RSRP1: variants seen among roughly 807,000 people sequenced by gnomAD.
The protein encoded by RSRP1 is arginine/serine-rich protein 1.
A neutral mutation model predicts 33.0 loss-of-function variants in RSRP1; 37 were observed. The ratio of observed to expected loss-of-function variants is 1.12; its 90% confidence interval spans 0.86 to 1.48. The LOEUF is 1.48. RSRP1 is among the 40% of genes most tolerant of loss of function. The pLI is 0.00. For synonymous variants in RSRP1, 167 were observed against 158.7 expected (o/e 1.05, Z -0.40); for missense variants, 402 against 385.3 (o/e 1.04, Z -0.36).
intron 1 of RSRP1, chr1:25,301,182 A>G (rs1643360259): frequency 1.7e-6 from 2 of 1,174,804 alleles, no homozygotes; most frequent in Admixed American, 1.8e-5. Context: ...TCCCTCCTTT[A>G]CCAAGTTCCC....
intron 1 of RSRP1, among the ~76,000 whole-genome samples, chr1:25,299,087 A>AAC (rs1643175499): frequency 7.9e-6 from 1 of 126,652 alleles, no homozygotes; most frequent in South Asian, 2.4e-4. Context: ...AAAAAAAAAA[A>AAC]AAAAAAAAAA....
At chr1:25,280,275 GC>G in intron 1 of RSRP1, among the ~76,000 whole-genome samples, 1 of 126,162 alleles carries the variant, frequency 7.9e-6, no homozygotes, top group East Asian at 2.0e-4. Flanking sequence ...GCCCAATAAA[GC>G]CCCCACCCAG....
rs937397565 is a variant in RSRP1 at position 25,244,748 on chromosome 1, C to G, written c.672+402G>C. On this transcript the variant is annotated intron_variant, in intron 3 of 4. Transcript: ENST00000243189. ...TGCCCAGGCTAGAGTGCAATGGTGC[C>G]ATCTTGGCTCACTGCAACCTTAGCA... 7.2e-6 allele frequency: 8 copies of G among 1,107,140 alleles called. No individual in the cohort carries two copies. In the African/African-American group the frequency reaches 1.3e-4, roughly 18 times the overall value. The allele number at this position is 1,107,140 out of a possible 1,614,324, so 68.6% of individuals were successfully genotyped here. A position where few individuals can be genotyped will look rare whatever the true frequency, so the allele number is the denominator to read the frequency against.
At chr1:25,248,704 T>C (rs926358786), upstream of RSRP1, among the ~76,000 whole-genome samples, 1 of 152,138 alleles carries the variant, frequency 6.6e-6, no homozygotes, top group Non-Finnish European at 1.5e-5. Flanking sequence ...ACCCCACATC[T>C]CCGCAGTTCA....
rs1326459980 is a variant in RSRP1, at chr1:25,288,142, C to T, written c.-66-41113G>A. ...AGGTGATCCTCCTGCCTCAGCCTCC[C>T]AAGTAGCTGGGACTGTGGGTGCACA... On this transcript the variant is annotated intron_variant, in intron 1 of 1. Coordinates refer to the RSRP1 transcript ENST00000561867. 3.0e-5 allele frequency among the ~76,000 whole-genome samples: 4 copies of T among 132,356 alleles called. 1 individual carries two copies. The highest frequency in any genetic ancestry group is 2.3e-4 in the South Asian group (1 of 4,332). 86.8% of individuals were successfully genotyped at this position (132,356 alleles called of 152,430 possible). A position where few individuals can be genotyped will look rare whatever the true frequency, so the allele number is the denominator to read the frequency against.
chr1:25,272,802 A>C (rs1411768480), intron 1 of RSRP1: 3 of 1,272,898 alleles, frequency 2.4e-6, no homozygotes, highest in Admixed American at 1.9e-5. Context: ...CAAAATCCCA[A>C]GGAAAAAGAT....
In RSRP1 at chr1:25,265,447, G is replaced by A. The variant is rs1640287090; in HGVS notation, c.-66-18418C>T. On this transcript the variant is annotated intron_variant, in intron 1 of 1. Coordinates refer to the RSRP1 transcript ENST00000561867. The stretch of plus-strand genomic sequence containing the variant: ...ATGTGTATGTGTTTTACGATAGTAG[G>A]CCCAACAGATACTGTAATCCACACT... Among the ~76,000 whole-genome samples the A allele has an allele frequency of 1.9e-5, 2 of 104,868 alleles. 1 individual carries two copies. The highest frequency in any genetic ancestry group is 1.9e-4 in the Admixed American group (2 of 10,660). The allele number at this position is 104,868 out of a possible 152,430, so 68.8% of individuals were successfully genotyped here.
rs1185587837 is a variant in RSRP1, at chr1:25,246,466, G to C, written c.498C>G (p.Thr166=). The C allele has an allele frequency of 3.1e-6, 5 of 1,613,652 alleles. No homozygotes were observed. The highest frequency in any genetic ancestry group is 4.5e-5 in the East Asian group (2 of 44,872). ...CACCTTTTTCACTTAAGCGAAAGGGGGTTCTGCTCCGCGACCTCGTCCTGG... is the reference window on the plus strand; with the variant it reads ...CACCTTTTTCACTTAAGCGAAAGGGCGTTCTGCTCCGCGACCTCGTCCTGG... ...DRSRTRSRSR[T]PFRLSEKDRM... The change falls in exon 2 of 5, where the codon ACC becomes ACG. Residue 166 remains threonine, a synonymous_variant. Coordinates refer to ENST00000243189, the MANE Select transcript of RSRP1 (RefSeq NM_020317.5).
At chr1:25,251,025 A>T (rs909415903), upstream of RSRP1, among the ~76,000 whole-genome samples, 3 of 143,266 alleles carry the variant, frequency 2.1e-5, no homozygotes, top group South Asian at 6.5e-4. Context: ...AAAAATAATT[A>T]AAAAAAAAAA....
chr1:25,324,767 G>C (rs1644881911), intron 1 of RSRP1, among the ~76,000 whole-genome samples: 1 of 148,952 alleles, frequency 6.7e-6, no homozygotes, highest in Non-Finnish European at 1.5e-5. Flanking sequence ...ATGTCGCCCA[G>C]GTGCGGTGGC....
intron 3 of RSRP1, 98 bp from the exon 4 acceptor site, chr1:25,243,731 T>C (rs1334695006): frequency 4.7e-6 from 7 of 1,501,874 alleles, no homozygotes; most frequent in Non-Finnish European, 5.3e-6. Flanking sequence ...AATTTAGCTG[T>C]AGACACAAAA....
chr1:25,310,246 G>A (rs1470168470), intron 1 of RSRP1, among the ~76,000 whole-genome samples: 1 of 133,358 alleles, frequency 7.5e-6, no homozygotes, highest in Non-Finnish European at 1.8e-5. Flanking sequence ...TTCATATGTT[G>A]ATGGTTTTTG....
upstream of RSRP1, chr1:25,248,078 C>T (rs1340540607): frequency 6.6e-6 from 1 of 152,282 alleles, no homozygotes; most frequent in Non-Finnish European, 1.5e-5. Flanking sequence ...CCCCAAGACC[C>T]CTGGAAATGC....
chr1:25,299,069 T>G (rs1571657915), intron 1 of RSRP1, among the ~76,000 whole-genome samples: 11 of 65,446 alleles, frequency 1.7e-4, no homozygotes, highest in East Asian at 2.8e-4. Context: ...CAGCACATGG[T>G]GATAAAAAAA....
At chr1:25,338,061 C>G (rs1645114659) in exon 1 of RSRP1, 1 of 152,436 alleles carries the variant, frequency 6.6e-6, no homozygotes, top group African/African-American at 2.4e-5. Context: ...CTAGAAAACA[C>G]TCGTCACCTC....
chr1:25,274,819 C>T lies in RSRP1; in HGVS notation c.-66-27790G>A, dbSNP rs1428618173. On this transcript the variant is annotated intron_variant, in intron 1 of 1. Coordinates refer to the RSRP1 transcript ENST00000561867. ...GTTAGGAGTTCGAGACCAGCCTGGC[C>T]AACATGGCAAAACCGCATCTCTACT... is the stretch of plus-strand genomic sequence containing the variant. 3.0e-5 allele frequency among the ~76,000 whole-genome samples: 4 copies of T among 133,086 alleles called. 1 individual carries two copies. Among genetic ancestry groups the T allele is most frequent in the African/African-American group, 1.0e-4 (4 of 39,022 alleles). The allele number at this position is 133,086 out of a possible 152,430, so 87.3% of individuals were successfully genotyped here.
chr1:25,262,402 G>T (rs1640185760), intron 1 of RSRP1, among the ~76,000 whole-genome samples: 2 of 152,148 alleles, frequency 1.3e-5, no homozygotes, highest in South Asian at 4.1e-4. Flanking sequence ...AAAACAAACA[G>T]ATATAGGATG....
At chr1:25,248,876 C>T (rs747316370), upstream of RSRP1, among the ~76,000 whole-genome samples, 40 of 152,168 alleles carry the variant, frequency 2.6e-4, no homozygotes, top group Non-Finnish European at 4.6e-4. Context: ...AGGCCAGTCG[C>T]GGTGGCTCAC....
At position 25,298,925 on chromosome 1, in the gene RSRP1, T is replaced by C. The variant is rs1457636681; in HGVS notation, c.-67+39053A>G. Among the ~76,000 whole-genome samples the C allele has an allele frequency of 3.9e-5, 5 of 129,008 alleles. No homozygotes were observed. In the East Asian group the frequency reaches 5.9e-4, roughly 15 times the overall value. 84.6% of individuals were successfully genotyped at this position (129,008 alleles called of 152,430 possible). A position where few individuals can be genotyped will look rare whatever the true frequency, so the allele number is the denominator to read the frequency against. On this transcript the variant is annotated intron_variant, in intron 1 of 1. Transcript: ENST00000561867. ...AGGGTGGCCAGGGGCAGCTTCATCT[T>C]ATCAAGAGGGTGATTTTTTGAGTAC...
Sources: gnomAD v4.1 joint callset for allele counts (sites outside exome capture counted in the v4.1 genomes callset) on GRCh38, gnomAD v4.1.1 for gene constraint, MANE v1.5 for transcripts, NCBI Gene and HGNC (gene_info 2026-07-23, HGNC 2026-07-21) for gene names.